TRIM29: variants seen among roughly 807,000 people sequenced by gnomAD.
TRIM29 encodes tripartite motif containing 29, also known as tripartite motif-containing protein 29.
In TRIM29, 52 loss-of-function variants were observed where a neutral mutation model predicts 57.3. The observed-to-expected ratio is 0.91, with a 90% CI of 0.73 to 1.14. The LOEUF is 1.14. TRIM29 is among the 50% of genes most tolerant of loss of function. The pLI, the probability that TRIM29 is intolerant of heterozygous loss-of-function variation, is 0.00. For synonymous variants in TRIM29, 319 were observed against 316.9 expected, an observed-to-expected ratio of 1.01 and a Z score of -0.07; for missense variants, 753 against 774.6, an observed-to-expected ratio of 0.97 and a Z score of 0.33.
chr11:120,115,770 G>A (rs1005028073), intron 7 of TRIM29: 2 of 245,532 alleles, frequency 8.1e-6, no homozygotes, highest in Non-Finnish European at 1.6e-5. Context: ...CCCCTTCCCA[G>A]AGCCCAGGAG....
chr11:120,135,906 C>A (rs746080745), intron 1 of TRIM29, among the ~76,000 whole-genome samples: 4 of 152,100 alleles, frequency 2.6e-5, no homozygotes, highest in Non-Finnish European at 4.4e-5. Flanking sequence ...GAAGGCCACC[C>A]ACAGCAGGAA....
intron 1 of TRIM29, among the ~76,000 whole-genome samples, chr11:120,136,222 G>T (rs1348495105): frequency 2.0e-5 from 3 of 152,192 alleles, no homozygotes; most frequent in Non-Finnish European, 4.4e-5. Flanking sequence ...TAAACCCATT[G>T]TAAGTTGAAA....
chr11:120,129,936 A>G (rs912011195), intron 1 of TRIM29, among the ~76,000 whole-genome samples: 2 of 152,142 alleles, frequency 1.3e-5, no homozygotes, highest in Non-Finnish European at 1.5e-5. Flanking sequence ...TACCATCACC[A>G]GAGATGGAAA....
chr11:120,137,475 G>A lies in TRIM29; in HGVS notation c.557C>T (p.Ser186Phe), dbSNP rs1255560473. The change falls in exon 1 of 9, where the codon TCC becomes TTC. Residue 186 changes from serine (S) to phenylalanine (F), a missense_variant. Transcript: ENST00000341846. This position sits in a 1 kb window ranked among gnomAD's most constrained non-coding sequence, Gnocchi z 6.2. ...GAAGGAGGCCTGGCACACCAGGCAG[G>A]ACTTGACCGCCTTCTGCTTGTTGCC... The part of the protein sequence containing the change: ...CIGNKQKAVK[S>F]CLVCQASFCE... The A allele has an allele frequency of 6.2e-7, 1 of 1,603,514 alleles. No individual in the cohort carries two copies. Among genetic ancestry groups the A allele is most frequent in the Non-Finnish European group, 8.5e-7 (1 of 1,179,928 alleles).
At chr11:120,113,808 G>A (rs1173816230) in intron 8 of TRIM29, among the ~76,000 whole-genome samples, 1 of 152,152 alleles carries the variant, frequency 6.6e-6, no homozygotes, top group African/African-American at 2.4e-5. Flanking sequence ...GGAAATGGCT[G>A]AAGCCTTTCT....
rs779724604 is a variant in TRIM29 at position 120,118,311 on chromosome 11, G to A, written c.1539C>T (p.Thr513=). Residue 513 remains threonine, a synonymous_variant, in exon 7 of 9, where the codon ACC becomes ACT. Transcript: ENST00000341846. ...NNLYGTKGNY[T]SRVWEYSSSI... is the part of the protein sequence containing the mutation. ...TGGAGGAGTACTCCCAGACCCGGGA[G>A]GTGTAGTTACCTGGCAGGACAAAGA... 1.9e-6 allele frequency: 3 copies of A among 1,612,988 alleles called. No homozygotes were observed. The Admixed American group carries it at 5.0e-5, about 27-fold the overall frequency.
At chr11:120,113,756 G>A (rs1863197731) in intron 8 of TRIM29, 10 of 448,296 alleles carry the variant, frequency 2.2e-5, no homozygotes, top group Middle Eastern at 3.4e-4. Flanking sequence ...CCAGGGGCCA[G>A]CCTGGACCCC....
Position 120,115,737 on chromosome 11 carries a change from C to T in TRIM29, c.1628-323G>A, listed in dbSNP as rs568688391. 2.4e-4 allele frequency: 70 copies of T among 297,776 alleles called. 1 individual carries two copies. In the South Asian group the frequency reaches 2.4e-3, roughly 10 times the overall value. The allele number at this position is 297,776 out of a possible 1,614,324, so 18.4% of individuals were successfully genotyped here. A position where few individuals can be genotyped will look rare whatever the true frequency, so the allele number is the denominator to read the frequency against. ...TGCAGGGATTTCCACTCACCCACCC[C>T]GGAGGTTTACACCACGGGCCCTCCC... On this transcript the variant is annotated intron_variant, in intron 7 of 8. Transcript: ENST00000341846.
chr11:120,123,418 G>A (rs1436109139), intron 4 of TRIM29: 1 of 473,312 alleles, frequency 2.1e-6, no homozygotes, highest in Non-Finnish European at 4.2e-6. Flanking sequence ...TAAGGAAATT[G>A]AGACTCAGGA....
At chr11:120,112,627 TA>T in intron 8 of TRIM29, 151 bp from the exon 9 acceptor site, 1 of 714,642 alleles carries the variant, frequency 1.4e-6, no homozygotes, top group Non-Finnish European at 2.4e-6. Context: ...AAGATTTACC[TA>T]CCCTGTGATC....
At chr11:120,130,429 T>C (rs933431673) in intron 1 of TRIM29, among the ~76,000 whole-genome samples, 1 of 152,194 alleles carries the variant, frequency 6.6e-6, no homozygotes, top group Non-Finnish European at 1.5e-5. Flanking sequence ...CCTCCCACCA[T>C]AGGCCAGGGC....
chr11:120,126,054 A>C, intron 3 of TRIM29, 165 bp from the exon 4 acceptor site: 1 of 680,974 alleles, frequency 1.5e-6, no homozygotes, highest in East Asian at 2.8e-5. Flanking sequence ...GTTCAACTAA[A>C]AGCCACTGGA....
intron 1 of TRIM29, 140 bp from the exon 2 acceptor site, chr11:120,128,635 C>T (rs986581048): frequency 5.2e-6 from 8 of 1,525,632 alleles, no homozygotes; most frequent in African/African-American, 1.4e-5. Context: ...ATTCAGCAAA[C>T]ATTCATCAGG....
chr11:120,128,581 G>GCACA, intron 1 of TRIM29, 86 bp from the exon 2 acceptor site: 1 of 1,507,078 alleles, frequency 6.6e-7, no homozygotes, highest in Non-Finnish European at 9.0e-7. Flanking sequence ...CACTCAGGGG[G>GCACA]CACACTCGCA....
intron 8 of TRIM29, 131 bp downstream of exon 8, chr11:120,115,207 C>T: frequency 7.0e-6 from 6 of 862,400 alleles, no homozygotes; most frequent in South Asian, 3.0e-5. Flanking sequence ...GCCACTGCTG[C>T]CTCCTTCTCC....
chr11:120,123,946 G>A (rs907546217), intron 4 of TRIM29: 18 of 168,788 alleles, frequency 1.1e-4, no homozygotes, highest in East Asian at 1.6e-4. Flanking sequence ...GGGTGTGGAC[G>A]AGTCCCTGGT....
Position 120,137,657 on chromosome 11 carries a change from G to A in TRIM29, c.375C>T (p.Gly125=). The change falls in exon 1 of 9, where the codon GGC becomes GGT. Residue 125 remains glycine (G), a synonymous_variant. Transcript: ENST00000341846. The surrounding 1 kb of genome is among the most constrained non-coding windows in gnomAD (Gnocchi z 6.2). The stretch of plus-strand genomic sequence containing the variant: ...CCGAGAAAATGGACTTGCGCAGCTC[G>A]CCCTTTTCGGCAAAGGTAACGGGTG... The part of the protein sequence containing the change: ...KKPPVTFAEK[G]ELRKSIFSES... 6.2e-7 allele frequency: 1 copy of A among 1,613,598 alleles called. No individual in the cohort carries two copies. Among genetic ancestry groups the A allele is most frequent in the African/African-American group, 1.3e-5 (1 of 75,004 alleles).
chr11:120,130,799 G>C (rs1863707094), intron 1 of TRIM29, among the ~76,000 whole-genome samples: 1 of 152,188 alleles, frequency 6.6e-6, no homozygotes, highest in Admixed American at 6.5e-5. Context: ...AGTGTGTGCA[G>C]CATGGTGGGC....
At chr11:120,129,216 A>G (rs1465248501) in intron 1 of TRIM29, among the ~76,000 whole-genome samples, 1 of 152,216 alleles carries the variant, frequency 6.6e-6, no homozygotes, top group Non-Finnish European at 1.5e-5. Context: ...TTGTATCAGT[A>G]GCACACTGGG....
Sources: allele counts gnomAD v4.1 joint callset (sites outside exome capture counted in the v4.1 genomes callset), GRCh38; gene constraint gnomAD v4.1.1; non-coding constraint Gnocchi (gnomAD v3.1); transcripts MANE v1.5; gene names NCBI Gene and HGNC (gene_info 2026-07-23, HGNC 2026-07-21).